The following GLRX3 variants were observed in gnomAD, a reference collection of about 807,000 sequenced individuals.
GLRX3 encodes the protein glutaredoxin 3, also known as glutaredoxin-3.
Under a neutral mutation model 49.5 loss-of-function variants are expected in GLRX3, and 22 were observed. The ratio of observed to expected loss-of-function variants is 0.44; its 90% CI spans 0.32 to 0.63. The LOEUF is 0.63. GLRX3 is among the 30% of genes least tolerant of loss of function. The pLI is 0.05. For synonymous variants in GLRX3, 133 were observed against 140.0 expected (o/e 0.95, Z 0.35); for missense variants, 385 against 396.3 (o/e 0.97, Z 0.24).
intron 4 of GLRX3, among the ~76,000 whole-genome samples, chr10:130,164,011 A>G (rs1862633252): frequency 6.6e-6 from 1 of 152,270 alleles, no homozygotes; most frequent in South Asian, 2.1e-4. Flanking sequence ...TCAGAAAAAC[A>G]TGAATGAATA....
rs1011864831 is a variant in GLRX3, at chr10:130,159,831, C to T, written c.202-164C>T. 3 of 1,353,906 alleles carry T rather than the reference C, an allele frequency of 2.2e-6. No individual in the cohort carries two copies. The African/African-American group carries it at 4.4e-5, about 20-fold the overall frequency. The allele number at this position is 1,353,906 out of a possible 1,614,324, so 83.9% of individuals were successfully genotyped here. A position where few individuals can be genotyped will look rare whatever the true frequency, so the allele number is the denominator to read the frequency against. On this transcript the variant is annotated intron_variant, in intron 2 of 10. Transcript: ENST00000331244. ...GCAAACTCAGTGGATGACATGCCAG[C>T]CCAGTGAGTCTCATTTAAATGTAAA...
intron 4 of GLRX3, among the ~76,000 whole-genome samples, chr10:130,165,813 T>C (rs1234713000): frequency 6.6e-6 from 1 of 152,184 alleles, no homozygotes; most frequent in Non-Finnish European, 1.5e-5. Flanking sequence ...ATAACAATTG[T>C]AGAATTTTTT....
chr10:130,170,825 A>G lies in GLRX3; in HGVS notation c.772-759A>G, dbSNP rs1862792048. Among the ~76,000 whole-genome samples the G allele has an allele frequency of 2.0e-5, 3 of 152,296 alleles. No homozygotes were observed. In the South Asian group the frequency reaches 6.2e-4, roughly 32 times the overall value. On this transcript the variant is annotated intron_variant, in intron 7 of 10. Transcript: ENST00000331244. ...ATTTTCATAAACTCAAAAAAGTGTT[A>G]GTATTCTGTAATGTAAAAATAAATG...
intron 7 of GLRX3, among the ~76,000 whole-genome samples, chr10:130,170,539 A>G (rs1343676432): frequency 6.6e-6 from 1 of 152,206 alleles, no homozygotes; most frequent in African/African-American, 2.4e-5. Context: ...TAGGGCCTAA[A>G]TTCTTTGATT....
At chr10:130,174,044 T>A (rs1394747795) in intron 8 of GLRX3, among the ~76,000 whole-genome samples, 1 of 152,246 alleles carries the variant, frequency 6.6e-6, no homozygotes, top group Non-Finnish European at 1.5e-5. Flanking sequence ...CCTGACCACC[T>A]AACGGTGAAA....
In GLRX3 at chr10:130,157,486, G is replaced by GGCC. The variant is rs1476631276; in HGVS notation, c.202-2502_202-2500dup. On this transcript the variant is annotated intron_variant, in intron 2 of 10. Coordinates refer to ENST00000331244, the MANE Select transcript of GLRX3 (RefSeq NM_006541.5). ...TCAGGCCTTCAACCTATTGGATGGT[G>GGCC]GCCGCCGCCCCCCCCCCCCCCCCCC... Among the ~76,000 whole-genome samples the GGCC allele has an allele frequency of 1.2e-3, 56 of 45,482 alleles. 3 individuals carry two copies. The highest frequency in any genetic ancestry group is 1.8e-3 in the Non-Finnish European group (33 of 18,274). The allele number at this position is 45,482 out of a possible 152,430, so 29.8% of individuals were successfully genotyped here. A position where few individuals can be genotyped will look rare whatever the true frequency, so the allele number is the denominator to read the frequency against.
intron 10 of GLRX3, 42 bp downstream of exon 10, chr10:130,175,131 T>C: frequency 9.0e-7 from 1 of 1,115,996 alleles, no homozygotes; most frequent in Non-Finnish European, 1.4e-6. Context: ...CGGAAAAGAT[T>C]TTGGTATGTT....
chr10:130,168,453 A>T (rs950932755), intron 6 of GLRX3, among the ~76,000 whole-genome samples: 19 of 151,496 alleles, frequency 1.3e-4, no homozygotes, highest in Middle Eastern at 3.4e-3. Context: ...ATTTATTATT[A>T]TTTTTTTTTG....
rs1862054411 is a variant in GLRX3 at position 130,136,498 on chromosome 10, G to A, written c.78G>A (p.Leu26=). The change falls in exon 1 of 11, where the codon CTG becomes CTA. Residue 26 remains leucine, a synonymous_variant. Transcript: ENST00000331244. Reference sequence around the variant, plus strand: ...CAGCCGGGCAGTTTGAGGAGCTGCTGCGCCTCAAAGCCAAGTAAGCGGGGC... The same window carrying A: ...CAGCCGGGCAGTTTGAGGAGCTGCTACGCCTCAAAGCCAAGTAAGCGGGGC... ...VGSAGQFEEL[L]RLKAKSLLVV... 2.4e-6 allele frequency: 3 copies of A among 1,262,178 alleles called. No homozygotes were observed. Among genetic ancestry groups the A allele is most frequent in the South Asian group, 3.5e-5 (1 of 28,940 alleles). The allele number at this position is 1,262,178 out of a possible 1,614,324, so 78.2% of individuals were successfully genotyped here.
At chr10:130,171,914 C>T (rs569889764) in intron 8 of GLRX3, among the ~76,000 whole-genome samples, 7 of 152,148 alleles carry the variant, frequency 4.6e-5, no homozygotes, top group Middle Eastern at 6.8e-3. Flanking sequence ...TGTAGTGAGC[C>T]GTGATTGCAC....
chr10:130,173,031 G>T (rs570603391), intron 8 of GLRX3, among the ~76,000 whole-genome samples: 2 of 152,230 alleles, frequency 1.3e-5, no homozygotes, highest in Non-Finnish European at 2.9e-5. Flanking sequence ...CTTCAAGCCT[G>T]TTCCTTTCTT....
intron 8 of GLRX3, among the ~76,000 whole-genome samples, chr10:130,172,773 C>T (rs1025653445): frequency 2.0e-5 from 3 of 152,134 alleles, no homozygotes; most frequent in African/African-American, 7.2e-5. Flanking sequence ...GAAACCCCGC[C>T]TCTACTAAAA....
chr10:130,137,225 C>T (rs1165062655), intron 1 of GLRX3, among the ~76,000 whole-genome samples: 4 of 152,154 alleles, frequency 2.6e-5, no homozygotes, highest in Non-Finnish European at 4.4e-5. Context: ...GTGTCCAGGT[C>T]TTCAATCCCT....
rs1862942949 is a variant in GLRX3 at position 130,177,333 on chromosome 10, T to TAAGACAGTTTGTTGAGAGAGATAGAAGA, written c.958-2008_958-1981dup. Among the ~76,000 whole-genome samples, 4 of 152,330 alleles carry TAAGACAGTTTGTTGAGAGAGATAGAAGA rather than the reference T, an allele frequency of 2.6e-5. No individual in the cohort carries two copies. In the South Asian group the frequency reaches 8.3e-4, roughly 32 times the overall value. ...ACTGCTGTTCCAGAATGTTTGGACT[T>TAAGACAGTTTGTTGAGAGAGATAGAAGA]AAGACAGTTTGTTGAGAGAGATAGA... On this transcript the variant is annotated intron_variant, in intron 10 of 10. Coordinates refer to ENST00000331244, the MANE Select transcript of GLRX3 (RefSeq NM_006541.5).
chr10:130,171,859 G>A (rs1862816910), intron 8 of GLRX3, among the ~76,000 whole-genome samples: 2 of 152,138 alleles, frequency 1.3e-5, no homozygotes, highest in Non-Finnish European at 2.9e-5. Flanking sequence ...CTAGCTACTT[G>A]AGAGACTGAG....
At chr10:130,144,540 T>C (rs866366848) in intron 1 of GLRX3, among the ~76,000 whole-genome samples, 2 of 152,086 alleles carry the variant, frequency 1.3e-5, no homozygotes, top group African/African-American at 4.8e-5. Flanking sequence ...CTCCCACTTA[T>C]GAATGAGAAC....
At chr10:130,172,932 CTCTG>C (rs1460240416) in intron 8 of GLRX3, among the ~76,000 whole-genome samples, 1 of 152,136 alleles carries the variant, frequency 6.6e-6, no homozygotes, top group Non-Finnish European at 1.5e-5. Flanking sequence ...GACAGTGAGA[CTCTG>C]TCTCAAAAAA....
rs776869164 is a variant in GLRX3, at chr10:130,160,115, A to T, written c.276+46A>T. ...AGAGATTATCCATTTGTAGGGTGCC[A>T]TGGGGCTACCTATTTTGTTTCTTTA... On this transcript the variant is annotated intron_variant, in intron 3 of 10. Coordinates refer to ENST00000331244, the MANE Select transcript of GLRX3 (RefSeq NM_006541.5). The T allele has an allele frequency of 2.7e-6, 3 of 1,122,458 alleles. No individual in the cohort carries two copies. The African/African-American group carries it at 4.6e-5, about 17-fold the overall frequency. 69.5% of individuals were successfully genotyped at this position (1,122,458 alleles called of 1,614,324 possible).
intron 8 of GLRX3, among the ~76,000 whole-genome samples, chr10:130,172,930 G>A (rs1417070940): frequency 1.3e-5 from 2 of 152,312 alleles, no homozygotes; most frequent in East Asian, 3.9e-4. Flanking sequence ...GTGACAGTGA[G>A]ACTCTGTCTC....
Sources: gnomAD v4.1 joint callset for allele counts (sites outside exome capture counted in the v4.1 genomes callset) on GRCh38, gnomAD v4.1.1 for gene constraint, MANE v1.5 for transcripts, NCBI Gene and HGNC (gene_info 2026-07-23, HGNC 2026-07-21) for gene names.